CDON: variants seen among roughly 807,000 people sequenced by gnomAD.
CDON encodes cell adhesion molecule-related/down-regulated by oncogenes.
CDON carries 73 observed loss-of-function variants against 120.9 expected under a neutral mutation model. That is an observed-to-expected ratio of 0.60 (90% confidence interval 0.50 to 0.73). The LOEUF is 0.73. Among genes scored for constraint, CDON ranks in the 30% least tolerant of loss-of-function variants. The probability of loss-of-function intolerance (pLI) is 0.00; values close to 1 mark genes in which losing one functional copy is unlikely to be tolerated. For synonymous variants in CDON, 566 were observed against 573.5 expected, an observed-to-expected ratio of 0.99 and a Z score of 0.19; for missense variants, 1,470 against 1,587.3, an observed-to-expected ratio of 0.93 and a Z score of 1.26.
At chr11:126,054,979 T>C (rs965234498) in intron 1 of CDON, among the ~76,000 whole-genome samples, 2 of 152,202 alleles carry the variant, frequency 1.3e-5, no homozygotes, top group Non-Finnish European at 2.9e-5. Flanking sequence ...AAGCTTCCAG[T>C]AGGCATATAA....
At chr11:126,051,627 C>T (rs556561007) in intron 1 of CDON, among the ~76,000 whole-genome samples, 12 of 151,634 alleles carry the variant, frequency 7.9e-5, no homozygotes, top group Middle Eastern at 3.4e-3. Flanking sequence ...AAGACCTAAT[C>T]GCTATAACAA....
At chr11:125,970,987 C>A (rs1470382732) in intron 18 of CDON, among the ~76,000 whole-genome samples, 1 of 152,100 alleles carries the variant, frequency 6.6e-6, no homozygotes, top group African/African-American at 2.4e-5. Context: ...AAGCTGAATG[C>A]CTGTTTTCTG....
intron 7 of CDON, among the ~76,000 whole-genome samples, chr11:126,014,512 A>G (rs1403532716): frequency 1.3e-5 from 2 of 152,178 alleles, no homozygotes; most frequent in African/African-American, 4.8e-5. Flanking sequence ...AGTAATCTCT[A>G]CCAAAATTAC....
At chr11:126,029,820 G>A (rs992526934) in intron 1 of CDON, among the ~76,000 whole-genome samples, 1 of 152,142 alleles carries the variant, frequency 6.6e-6, no homozygotes, top group African/African-American at 2.4e-5. Flanking sequence ...GATGCTTAGT[G>A]GTCCCTTTGC....
chr11:126,022,819 T>A (rs77176142), intron 2 of CDON, among the ~76,000 whole-genome samples: 1 of 152,216 alleles, frequency 6.6e-6, no homozygotes, highest in Non-Finnish European at 1.5e-5. Context: ...TGTATCTACT[T>A]ATATATTCAT....
At chr11:126,044,922 A>T (rs1350537066) in intron 1 of CDON, among the ~76,000 whole-genome samples, 1 of 152,142 alleles carries the variant, frequency 6.6e-6, no homozygotes, top group Non-Finnish European at 1.5e-5. Context: ...CACAAAGAAA[A>T]CCTAATTACC....
chr11:125,968,820 C>T (rs1945879534), intron 18 of CDON, among the ~76,000 whole-genome samples: 1 of 152,102 alleles, frequency 6.6e-6, no homozygotes, highest in South Asian at 2.1e-4. Context: ...AATTAGCTAA[C>T]CAAATGTAAA....
intron 9 of CDON, 60 bp from the exon 10 acceptor site, chr11:126,004,136 C>A: frequency 6.5e-7 from 1 of 1,532,138 alleles, no homozygotes; most frequent in South Asian, 1.1e-5. Context: ...GGAAATCTTT[C>A]GGTCACATTT....
chr11:125,963,379 G>GT (rs1364821998), intron 18 of CDON, among the ~76,000 whole-genome samples: 1 of 152,108 alleles, frequency 6.6e-6, no homozygotes, highest in African/African-American at 2.4e-5. Context: ...GACATGTTAG[G>GT]TAGGAAACAC....
chr11:126,000,963 TAAA>T (rs1401315748), intron 11 of CDON, among the ~76,000 whole-genome samples: 3 of 152,268 alleles, frequency 2.0e-5, no homozygotes, highest in East Asian at 3.9e-4. Flanking sequence ...ATTGAAATAC[TAAA>T]AAAGTCTTTT....
At chr11:126,050,318 G>T (rs1416134312) in intron 1 of CDON, among the ~76,000 whole-genome samples, 1 of 151,752 alleles carries the variant, frequency 6.6e-6, no homozygotes, top group Non-Finnish European at 1.5e-5. Flanking sequence ...AACCTAAAAA[G>T]AAAGACTAAA....
At chr11:125,997,752 T>C (rs1028110054) in intron 11 of CDON, among the ~76,000 whole-genome samples, 2 of 152,240 alleles carry the variant, frequency 1.3e-5, no homozygotes, top group African/African-American at 4.8e-5. Flanking sequence ...TTAAAATTTA[T>C]AATAAATCTT....
intron 18 of CDON, among the ~76,000 whole-genome samples, chr11:125,969,062 G>A (rs759132261): frequency 1.3e-5 from 2 of 152,196 alleles, no homozygotes; most frequent in Non-Finnish European, 2.9e-5. Context: ...GCAATGGCGT[G>A]ATCTCAGCTC....
chr11:126,041,957 T>C (rs1948274345), intron 1 of CDON, among the ~76,000 whole-genome samples: 1 of 152,198 alleles, frequency 6.6e-6, no homozygotes, highest in African/African-American at 2.4e-5. Context: ...TGATCTCGGC[T>C]CACCACAACT....
At position 126,034,167 on chromosome 11, in the gene CDON, C is replaced by T. The variant is rs549864925; in HGVS notation, c.-61-10630G>A. ...GTTCACACCTACAGACTTCGCAACCCTTCCCCCACTTCTCCCAAGTCTCAG... is the reference window on the plus strand; with the variant it reads ...GTTCACACCTACAGACTTCGCAACCTTTCCCCCACTTCTCCCAAGTCTCAG... On this transcript the variant is annotated intron_variant, in intron 1 of 19. Transcript: ENST00000531738. The surrounding 1 kb of genome is among the most constrained non-coding windows in gnomAD (Gnocchi z 4.5). 6.6e-6 allele frequency among the ~76,000 whole-genome samples: 1 copy of T among 152,198 alleles called. No homozygotes were observed. Among genetic ancestry groups the T allele is most frequent in the South Asian group, 2.1e-4 (1 of 4,820 alleles).
intron 1 of CDON, among the ~76,000 whole-genome samples, chr11:126,054,507 C>A (rs1304532519): frequency 6.6e-6 from 1 of 152,136 alleles, no homozygotes; most frequent in Non-Finnish European, 1.5e-5. Flanking sequence ...TGGTATCACT[C>A]CCTGAACTTG....
intron 19 of CDON, 148 bp downstream of exon 19, chr11:125,961,576 C>T: frequency 1.0e-6 from 1 of 971,374 alleles, no homozygotes; most frequent in Non-Finnish European, 1.5e-6. Context: ...CCTATCTTTT[C>T]CTGAAGGACC....
intron 6 of CDON, 42 bp from the exon 7 acceptor site, chr11:126,015,552 G>A: frequency 2.5e-6 from 4 of 1,598,080 alleles, no homozygotes; most frequent in Non-Finnish European, 3.4e-6. Flanking sequence ...CCCTCAAAAT[G>A]TACTTCTTAA....
At chr11:125,994,247 C>T (rs374220051) in intron 14 of CDON, 37 bp downstream of exon 14, 12 of 1,033,872 alleles carry the variant, frequency 1.2e-5, no homozygotes, top group East Asian at 4.7e-5. Flanking sequence ...TTCTCCAAAG[C>T]GCCTTTACAG....
Sources: allele counts gnomAD v4.1 joint callset (sites outside exome capture counted in the v4.1 genomes callset), GRCh38; gene constraint gnomAD v4.1.1; non-coding constraint Gnocchi (gnomAD v3.1); transcripts MANE v1.5; gene names NCBI Gene and HGNC (gene_info 2026-07-23, HGNC 2026-07-21).